Variants in BMPER observed in about 807,000 individuals in gnomAD.
BMPER encodes the protein BMP-binding endothelial regulator protein.
Under a neutral mutation model 87.3 loss-of-function variants are expected in BMPER, and 45 were observed. The observed-to-expected ratio is 0.52, with a 90% CI of 0.41 to 0.66. The LOEUF (loss-of-function observed/expected upper bound fraction) is 0.66. Among genes scored for constraint, BMPER ranks in the 30% least tolerant of loss-of-function variants. BMPER has a pLI of 0.00. For synonymous variants in BMPER, 326 were observed against 316.2 expected (o/e 1.03, Z -0.33); for missense variants, 784 against 867.5 (o/e 0.90, Z 1.21).
chr7:34,086,225 C>G lies in BMPER; in HGVS notation c.1745+133C>G, dbSNP rs968280666. The G allele has an allele frequency of 1.0e-4, 103 of 1,029,028 alleles. No homozygotes were observed. The Admixed American group carries it at 2.1e-3, about 21-fold the overall frequency. 63.7% of individuals were successfully genotyped at this position (1,029,028 alleles called of 1,614,324 possible). On this transcript the variant is annotated intron_variant, in intron 13 of 14. Transcript: ENST00000649409. ...CCCAGGGTAGGCATCTTCTTGCTGT[C>G]CAGGAGCTGATCTCATCTTGAGTCA... is the stretch of plus-strand genomic sequence containing the variant.
At chr7:33,984,629 A>G (rs961014722) in intron 6 of BMPER, among the ~76,000 whole-genome samples, 1 of 152,160 alleles carries the variant, frequency 6.6e-6, no homozygotes, top group Admixed American at 6.5e-5. Flanking sequence ...CTCCTGGTAG[A>G]TGGAAGGAGA....
chr7:34,154,059 C>G lies in BMPER; in HGVS notation c.*786C>G, dbSNP rs772576651. On this transcript the variant is annotated 3_prime_UTR_variant, in exon 15 of 15. Coordinates refer to ENST00000649409, the MANE Select transcript of BMPER (RefSeq NM_001365308.1). ...TGGATGCCATGTTAATTTTATTGAG[C>G]ATGAGAAAGTATTTGAAGAAACTGT... The G allele has an allele frequency of 6.6e-6, 1 of 152,506 alleles. No individual in the cohort carries two copies. Among genetic ancestry groups the G allele is most frequent in the African/African-American group, 2.4e-5 (1 of 41,406 alleles). 9.4% of individuals were successfully genotyped at this position (152,506 alleles called of 1,614,324 possible). A position where few individuals can be genotyped will look rare whatever the true frequency, so the allele number is the denominator to read the frequency against.
At chr7:34,121,000 C>A (rs1474354570) in intron 13 of BMPER, among the ~76,000 whole-genome samples, 1 of 150,450 alleles carries the variant, frequency 6.6e-6, no homozygotes. Context: ...ATTAGCTATT[C>A]GTAGGTAATA....
chr7:34,081,308 G>A (rs1219960079), intron 12 of BMPER, among the ~76,000 whole-genome samples: 1 of 152,050 alleles, frequency 6.6e-6, no homozygotes, highest in African/African-American at 2.4e-5. Flanking sequence ...TTCTTCCATA[G>A]ATTTAAAAAA....
At chr7:33,979,353 A>C (rs1785782130) in intron 6 of BMPER, among the ~76,000 whole-genome samples, 1 of 150,816 alleles carries the variant, frequency 6.6e-6, no homozygotes, top group South Asian at 2.1e-4. Flanking sequence ...ACCCCCCTGC[A>C]ACTCCCTGAG....
At chr7:34,142,943 T>G (rs978052793) in intron 13 of BMPER, among the ~76,000 whole-genome samples, 5 of 152,220 alleles carry the variant, frequency 3.3e-5, no homozygotes, top group African/African-American at 1.2e-4. Context: ...TAGCCAAATA[T>G]GGAGAGTGGC....
chr7:34,140,749 C>T (rs187627711), intron 13 of BMPER, among the ~76,000 whole-genome samples: 1 of 152,360 alleles, frequency 6.6e-6, no homozygotes, highest in East Asian at 1.9e-4. Flanking sequence ...CATTCACTAA[C>T]AATCCCCTTA....
chr7:34,010,415 G>A (rs560252815), intron 6 of BMPER, among the ~76,000 whole-genome samples: 146 of 152,008 alleles, frequency 9.6e-4, no homozygotes, highest in Non-Finnish European at 1.7e-3. Flanking sequence ...TGTTGTATGA[G>A]ATGATATTTA....
At position 34,143,772 on chromosome 7, in the gene BMPER, A is replaced by T. The variant is rs956212945; in HGVS notation, c.1876+412A>T. ...CTTTTTTTTAGAGATTATTATACAA[A>T]GCCTAGTAGAATTTTTTTCCCCTCT... On this transcript the variant is annotated intron_variant, in intron 14 of 14. Transcript: ENST00000649409. Among the ~76,000 whole-genome samples the T allele has an allele frequency of 2.0e-5, 3 of 152,182 alleles. No individual in the cohort carries two copies. In the East Asian group the frequency reaches 5.8e-4, roughly 29 times the overall value.
In BMPER at chr7:34,058,053, T is replaced by G. The variant is rs1381635314; in HGVS notation, c.928-6T>G. 1 of 1,613,504 alleles carries G rather than the reference T, an allele frequency of 6.2e-7. No homozygotes were observed. The highest frequency in any genetic ancestry group is 1.1e-5 in the South Asian group (1 of 91,064). Reference sequence around the variant, plus strand: ...TGCTGACAGGATCCTGTGCCCTCTCTTGTAGGATGGAGAGATGTGGTCCTC... The same window carrying G: ...TGCTGACAGGATCCTGTGCCCTCTCGTGTAGGATGGAGAGATGTGGTCCTC... On this transcript the variant is annotated splice_region_variant and splice_polypyrimidine_tract_variant and intron_variant, in intron 9 of 14. Transcript: ENST00000649409.
intron 3 of BMPER, among the ~76,000 whole-genome samples, chr7:33,948,477 A>T (rs1784942561): frequency 6.6e-6 from 1 of 152,170 alleles, no homozygotes; most frequent in Admixed American, 6.5e-5. Context: ...CTTGCTTGGC[A>T]TATAATGTGG....
chr7:33,949,444 A>G (rs1784967907), intron 3 of BMPER, among the ~76,000 whole-genome samples: 1 of 151,992 alleles, frequency 6.6e-6, no homozygotes, highest in Non-Finnish European at 1.5e-5. Flanking sequence ...TGCATGTTTC[A>G]TTTCTTTGTG....
At chr7:34,108,037 T>C (rs1172428439) in intron 13 of BMPER, among the ~76,000 whole-genome samples, 1 of 152,240 alleles carries the variant, frequency 6.6e-6, no homozygotes, top group Non-Finnish European at 1.5e-5. Flanking sequence ...TTTGCCAGTG[T>C]TGAGTACAGG....
chr7:34,153,206 A>G lies in BMPER; in HGVS notation c.1991A>G (p.His664Arg), dbSNP rs1791228589. 2 of 1,613,976 alleles carry G rather than the reference A, an allele frequency of 1.2e-6. No homozygotes were observed. The highest frequency in any genetic ancestry group is 8.5e-7 in the Non-Finnish European group (1 of 1,179,996). Residue 664 changes from histidine to arginine, a missense_variant, in exon 15 of 15, where the codon CAC becomes CGC. Coordinates refer to ENST00000649409, the MANE Select transcript of BMPER (RefSeq NM_001365308.1). The stretch of plus-strand genomic sequence containing the variant: ...AACAAGCCGTGCGTTGCTGGGTGCC[A>G]CTGTCCAGCAAACTTGGTCCTTCAC... ...PCNKPCVAGC[H>R]CPANLVLHKG...
At chr7:34,003,326 A>G (rs1409122868) in intron 6 of BMPER, among the ~76,000 whole-genome samples, 1 of 151,906 alleles carries the variant, frequency 6.6e-6, no homozygotes, top group Non-Finnish European at 1.5e-5. Context: ...GATTTATACC[A>G]ATTTAATTTT....
intron 11 of BMPER, among the ~76,000 whole-genome samples, chr7:34,071,716 T>C (rs1057004080): frequency 1.3e-5 from 2 of 152,220 alleles, no homozygotes; most frequent in East Asian, 1.9e-4. Flanking sequence ...TTCTGGAAGG[T>C]GCTCTGGAGG....
chr7:34,153,392 ATATGTG>A lies in BMPER; in HGVS notation c.*123_*128del, dbSNP rs886062298. On this transcript the variant is annotated 3_prime_UTR_variant, in exon 15 of 15. Transcript: ENST00000649409. The stretch of plus-strand genomic sequence containing the variant: ...CTGTAAACACACACACACAGAGTAT[ATATGTG>A]TATATATATATAGATATATTCAAAA... 2.7e-5 allele frequency: 24 copies of A among 898,188 alleles called. No individual in the cohort carries two copies. The highest frequency in any genetic ancestry group is 3.9e-5 in the Non-Finnish European group (22 of 563,818). The allele number at this position is 898,188 out of a possible 1,614,324, so 55.6% of individuals were successfully genotyped here. A position where few individuals can be genotyped will look rare whatever the true frequency, so the allele number is the denominator to read the frequency against.
intron 13 of BMPER, among the ~76,000 whole-genome samples, chr7:34,138,199 C>T (rs1790770238): frequency 6.6e-6 from 1 of 152,088 alleles, no homozygotes; most frequent in African/African-American, 2.4e-5. Context: ...GTAGAGTTTT[C>T]AGGAGGCAGT....
chr7:34,033,272 G>C (rs190854848), intron 6 of BMPER, among the ~76,000 whole-genome samples: 2 of 152,244 alleles, frequency 1.3e-5, no homozygotes, highest in African/African-American at 4.8e-5. Context: ...ATAATTCACA[G>C]ACTTGGGAAT....
Sources: allele counts gnomAD v4.1 joint callset (sites outside exome capture counted in the v4.1 genomes callset), GRCh38; gene constraint gnomAD v4.1.1; transcripts MANE v1.5; gene names NCBI Gene and HGNC (gene_info 2026-07-23, HGNC 2026-07-21).